The following TUBGCP3 variants were observed in gnomAD, a reference collection of about 807,000 sequenced individuals.
The protein encoded by TUBGCP3 is gamma-tubulin complex component 3.
TUBGCP3 carries 50 observed loss-of-function variants against 123.1 expected under a neutral mutation model. That is an observed-to-expected ratio of 0.41 (90% CI 0.32 to 0.51). The LOEUF (loss-of-function observed/expected upper bound fraction) is 0.51. Ranked by LOEUF, TUBGCP3 falls within the 20% of genes least tolerant of loss-of-function variation. The probability of loss-of-function intolerance (pLI) is 0.36; values close to 1 mark genes in which losing one functional copy is unlikely to be tolerated. For missense variants in TUBGCP3, 882 were observed against 1,127.0 expected (o/e 0.78, Z 3.11); for synonymous variants, 405 against 413.9 (o/e 0.98, Z 0.26).
chr13:112,487,053 ATGTGTGTGTGTGTGTG>A (rs10522089), intron 21 of TUBGCP3, among the ~76,000 whole-genome samples: 1 of 147,412 alleles, frequency 6.8e-6, no homozygotes, highest in Non-Finnish European at 1.5e-5. Flanking sequence ...AACACTGTGT[ATGTGTGTGTGTGTGTG>A]TGTGTGTGTG....
chr13:112,566,236 G>A (rs1243664519), intron 2 of TUBGCP3, among the ~76,000 whole-genome samples: 1 of 152,196 alleles, frequency 6.6e-6, no homozygotes, highest in Non-Finnish European at 1.5e-5. Flanking sequence ...CATCACCTGT[G>A]CACAGATGCC....
chr13:112,504,166 G>C lies in TUBGCP3; in HGVS notation c.2176-3C>G, dbSNP rs777997746. ...TCATCCCAAGAACATTCAAGCACCTGGGAAACAACAATTTAAAGACGCTAG... is the reference window on the plus strand; with the variant it reads ...TCATCCCAAGAACATTCAAGCACCTCGGAAACAACAATTTAAAGACGCTAG... On this transcript the variant is annotated splice_polypyrimidine_tract_variant and splice_region_variant and intron_variant, in intron 18 of 21. Transcript: ENST00000261965. The C allele has an allele frequency of 6.2e-7, 1 of 1,613,936 alleles. No individual in the cohort carries two copies. The highest frequency in any genetic ancestry group is 8.5e-7 in the Non-Finnish European group (1 of 1,179,974).
intron 17 of TUBGCP3, among the ~76,000 whole-genome samples, chr13:112,515,577 A>C (rs1876049161): frequency 6.6e-6 from 1 of 152,242 alleles, no homozygotes. Context: ...CAGTGGCAGC[A>C]CATTCATAAG....
At chr13:112,517,068 G>GTC (rs1476038496) in intron 16 of TUBGCP3, among the ~76,000 whole-genome samples, 1 of 152,194 alleles carries the variant, frequency 6.6e-6, no homozygotes, top group Non-Finnish European at 1.5e-5. Flanking sequence ...CCAGGCTGGA[G>GTC]TGTAGTGGTG....
intron 20 of TUBGCP3, among the ~76,000 whole-genome samples, chr13:112,496,662 C>A (rs2139204525): frequency 6.6e-6 from 1 of 152,272 alleles, no homozygotes; most frequent in Middle Eastern, 3.4e-3. Context: ...TCCCACACGG[C>A]CAGCGGACAC....
chr13:112,513,858 C>G (rs1318816705), intron 17 of TUBGCP3, among the ~76,000 whole-genome samples: 1 of 152,160 alleles, frequency 6.6e-6, no homozygotes, highest in Non-Finnish European at 1.5e-5. Flanking sequence ...AACGGCAGTC[C>G]AGAAATAGCA....
rs1247829870 is a variant in TUBGCP3, at chr13:112,485,821, A to G, written c.*172T>C. On this transcript the variant is annotated 3_prime_UTR_variant, in exon 22 of 22. Coordinates refer to ENST00000261965, the MANE Select transcript of TUBGCP3 (RefSeq NM_006322.6). Reference sequence around the variant, plus strand: ...ATTTACAAATGCATTCGACTCCGACATGTGAAACACGACGTGGCTTCTCCC... The same window carrying G: ...ATTTACAAATGCATTCGACTCCGACGTGTGAAACACGACGTGGCTTCTCCC... The G allele has an allele frequency of 1.5e-4, 104 of 717,040 alleles. No individual in the cohort carries two copies. The African/African-American group carries it at 1.6e-3, about 11-fold the overall frequency. The allele number at this position is 717,040 out of a possible 1,614,324, so 44.4% of individuals were successfully genotyped here.
At position 112,508,570 on chromosome 13, in the gene TUBGCP3, C is replaced by T. The variant is rs1005283800; in HGVS notation, c.2087-3856G>A. 3.3e-5 allele frequency among the ~76,000 whole-genome samples: 5 copies of T among 152,162 alleles called. No homozygotes were observed. The highest frequency in any genetic ancestry group is 7.2e-5 in the African/African-American group (3 of 41,434). On this transcript the variant is annotated intron_variant, in intron 17 of 21. Transcript: ENST00000261965. The surrounding 1 kb of genome is among the most constrained non-coding windows in gnomAD (Gnocchi z 4.2). ...CTGATGTCCCTTCCACATTCCACTC[C>T]ACAACTTCAAGTATCATCCAGGCTG... is the stretch of plus-strand genomic sequence containing the variant.
At chr13:112,554,515 T>C (rs1879862273) in intron 7 of TUBGCP3, among the ~76,000 whole-genome samples, 1 of 151,962 alleles carries the variant, frequency 6.6e-6, no homozygotes, top group Non-Finnish European at 1.5e-5. Flanking sequence ...TAAAGGCAGA[T>C]TATGGAAAAA....
chr13:112,600,879 G>T, the TUBGCP3 span, among the ~76,000 whole-genome samples: 7 of 151,996 alleles, frequency 4.6e-5, no homozygotes, highest in African/African-American at 1.7e-4. Flanking sequence ...CTGTTTCTTT[G>T]ATTCTAAACG....
chr13:112,543,231 G>T (rs1333313169), intron 11 of TUBGCP3, among the ~76,000 whole-genome samples: 1 of 152,142 alleles, frequency 6.6e-6, no homozygotes, highest in Non-Finnish European at 1.5e-5. Context: ...GGAGGAAGGG[G>T]TTAAAAAAGA....
At chr13:112,533,321 C>T (rs987677941) in intron 11 of TUBGCP3, among the ~76,000 whole-genome samples, 7 of 152,174 alleles carry the variant, frequency 4.6e-5, no homozygotes, top group Admixed American at 2.0e-4. Context: ...ATTCAGGCTT[C>T]GGGTCACTAC....
At chr13:112,593,987 T>C in the TUBGCP3 span, among the ~76,000 whole-genome samples, 1 of 152,144 alleles carries the variant, frequency 6.6e-6, no homozygotes, top group East Asian at 1.9e-4. Flanking sequence ...TGACCAACAA[T>C]GAATAGAAAA....
chr13:112,601,580 G>A, the TUBGCP3 span, among the ~76,000 whole-genome samples: 1 of 152,126 alleles, frequency 6.6e-6, no homozygotes, highest in South Asian at 2.1e-4. Flanking sequence ...CTGGAATGTC[G>A]GGTTCTGAGG....
chr13:112,590,927 AGACC>A (rs1446943281), upstream of TUBGCP3, among the ~76,000 whole-genome samples: 1 of 152,252 alleles, frequency 6.6e-6, no homozygotes, highest in African/African-American at 2.4e-5. Flanking sequence ...TATAACGGAC[AGACC>A]TATGAAATTG....
intron 11 of TUBGCP3, among the ~76,000 whole-genome samples, chr13:112,536,650 C>A (rs916429282): frequency 3.9e-5 from 6 of 152,106 alleles, no homozygotes; most frequent in African/African-American, 1.2e-4. Flanking sequence ...TGTATCCTGC[C>A]AATGTGGTGA....
At chr13:112,577,878 A>G (rs1191930293) in intron 1 of TUBGCP3, among the ~76,000 whole-genome samples, 1 of 152,196 alleles carries the variant, frequency 6.6e-6, no homozygotes, top group African/African-American at 2.4e-5. Context: ...AGTCTTCAAG[A>G]TAAGAAAGCA....
chr13:112,588,583 C>T (rs1882795388), upstream of TUBGCP3, among the ~76,000 whole-genome samples: 1 of 152,200 alleles, frequency 6.6e-6, no homozygotes, highest in South Asian at 2.1e-4. Flanking sequence ...CAGGCCCGAC[C>T]TCGCACTGCC....
At chr13:112,506,203 C>T (rs1881295992) in intron 17 of TUBGCP3, among the ~76,000 whole-genome samples, 2 of 152,190 alleles carry the variant, frequency 1.3e-5, no homozygotes, top group African/African-American at 4.8e-5. Context: ...AGGGATGACA[C>T]ACTGTCCCTC....
Sources: allele counts gnomAD v4.1 joint callset (sites outside exome capture counted in the v4.1 genomes callset), GRCh38; gene constraint gnomAD v4.1.1; non-coding constraint Gnocchi (gnomAD v3.1); transcripts MANE v1.5; gene names NCBI Gene and HGNC (gene_info 2026-07-23, HGNC 2026-07-21).